Variants in CSMD3 observed in about 807,000 individuals in gnomAD.
The protein encoded by CSMD3 is CUB and Sushi multiple domains 3, also known as CUB and sushi domain-containing protein 3.
In CSMD3, 177 loss-of-function variants were observed where a neutral mutation model predicts 435.2. That is an observed-to-expected ratio of 0.41 (90% CI 0.36 to 0.46). The LOEUF (loss-of-function observed/expected upper bound fraction) is 0.46, where lower values mean the gene tolerates loss of function less well. CSMD3 is among the 20% of genes least tolerant of loss of function. The probability of loss-of-function intolerance (pLI) is 0.34; values close to 1 mark genes in which losing one functional copy is unlikely to be tolerated. For missense variants in CSMD3, 4,265 were observed against 4,504.6 expected, an observed-to-expected ratio of 0.95 and a Z score of 1.52; for synonymous variants, 1,656 against 1,520.5, an observed-to-expected ratio of 1.09 and a Z score of -2.07.
chr8:113,212,929 A>T (rs1009126451), intron 3 of CSMD3, among the ~76,000 whole-genome samples: 1 of 150,332 alleles, frequency 6.7e-6, no homozygotes, highest in African/African-American at 2.4e-5. Context: ...AAGAAAATCA[A>T]GTTAGATGTA....
chr8:112,752,993 A>T (rs962688116), intron 13 of CSMD3, among the ~76,000 whole-genome samples: 1 of 151,598 alleles, frequency 6.6e-6, no homozygotes, highest in Non-Finnish European at 1.5e-5. Context: ...TGGTGCAGTC[A>T]TGGCTCACTG....
chr8:112,679,599 T>A (rs553033715), intron 16 of CSMD3, among the ~76,000 whole-genome samples: 1 of 152,330 alleles, frequency 6.6e-6, no homozygotes, highest in East Asian at 1.9e-4. Context: ...AAATACCATT[T>A]GTTTTTCACA....
chr8:112,800,337 A>C (rs1053855070), intron 12 of CSMD3, 63 bp from the exon 13 acceptor site: 12 of 1,032,468 alleles, frequency 1.2e-5, no homozygotes, highest in African/African-American at 1.6e-5. Context: ...CATACAAATT[A>C]TAAGACAGAT....
intron 11 of CSMD3, among the ~76,000 whole-genome samples, chr8:112,856,989 A>G (rs541532222): frequency 1.4e-4 from 22 of 151,954 alleles, no homozygotes; most frequent in African/African-American, 5.3e-4. Flanking sequence ...TTAGTGGGAC[A>G]TAATCAATGT....
chr8:112,945,884 G>C (rs2083595133), intron 9 of CSMD3, among the ~76,000 whole-genome samples: 1 of 151,454 alleles, frequency 6.6e-6, no homozygotes, highest in Non-Finnish European at 1.5e-5. Context: ...CTGCCGGTGG[G>C]ACACATATAC....
chr8:113,187,944 T>C (rs1202392129), intron 3 of CSMD3, among the ~76,000 whole-genome samples: 1 of 151,982 alleles, frequency 6.6e-6, no homozygotes, highest in Admixed American at 6.6e-5. Context: ...CTTATCAATA[T>C]GTTTCATGTA....
At chr8:113,077,059 G>A (rs1219634260) in intron 5 of CSMD3, among the ~76,000 whole-genome samples, 1 of 152,042 alleles carries the variant, frequency 6.6e-6, no homozygotes, top group African/African-American at 2.4e-5. Context: ...TTTTGAGCAT[G>A]GTGGTGGTTA....
chr8:113,321,612 A>G (rs1468477143), intron 1 of CSMD3, among the ~76,000 whole-genome samples: 1 of 152,168 alleles, frequency 6.6e-6, no homozygotes, highest in Non-Finnish European at 1.5e-5. Context: ...CCTTTATGCC[A>G]TTGTGGTTTG....
At chr8:113,028,802 A>G (rs1045580998) in intron 5 of CSMD3, among the ~76,000 whole-genome samples, 11 of 151,606 alleles carry the variant, frequency 7.3e-5, no homozygotes, top group African/African-American at 2.7e-4. Context: ...CATGAAGCTT[A>G]AGAAAAGAAG....
intron 31 of CSMD3, among the ~76,000 whole-genome samples, chr8:112,481,805 T>G (rs1321078476): frequency 6.6e-6 from 1 of 152,190 alleles, no homozygotes; most frequent in African/African-American, 2.4e-5. Flanking sequence ...AAATTAAAAT[T>G]ACTACTGTTT....
intron 5 of CSMD3, among the ~76,000 whole-genome samples, chr8:113,033,981 T>C (rs2087234660): frequency 6.6e-6 from 1 of 151,502 alleles, no homozygotes; most frequent in Non-Finnish European, 1.5e-5. Context: ...CTCTATCTCC[T>C]GCCACCATGT....
intron 4 of CSMD3, among the ~76,000 whole-genome samples, chr8:113,133,475 C>A (rs986478530): frequency 6.6e-6 from 1 of 151,986 alleles, no homozygotes; most frequent in Non-Finnish European, 1.5e-5. Flanking sequence ...CTGTGCCAGT[C>A]GGTGAGATTG....
intron 32 of CSMD3, among the ~76,000 whole-genome samples, chr8:112,448,929 T>C (rs1815950630): frequency 6.6e-6 from 1 of 152,150 alleles, no homozygotes; most frequent in African/African-American, 2.4e-5. Context: ...TGTTCTTTGA[T>C]AGGAACTGAA....
chr8:113,083,141 A>G (rs2089631730), intron 5 of CSMD3, among the ~76,000 whole-genome samples: 2 of 152,076 alleles, frequency 1.3e-5, no homozygotes, highest in Non-Finnish European at 2.9e-5. Context: ...TTTGAATACA[A>G]TGTGCCTTGA....
In CSMD3 at chr8:112,291,677, G is replaced by C. The variant is rs1247399565; in HGVS notation, c.8807C>G (p.Pro2936Arg). Residue 2936 changes from proline (P) to arginine (R), a missense_variant, in exon 56 of 71, where the codon CCT (proline) becomes CGT (arginine). Pro to Arg is a moderately radical substitution (Grantham distance 103). Around this residue, in one of 3 missense-constraint regions of CSMD3, gnomAD observed 3,255 missense variants for 3,380.2 expected, o/e 0.96. Coordinates refer to ENST00000297405, the MANE Select transcript of CSMD3 (RefSeq NM_198123.2). ...TCTTTTAGAATTGGCTGGAATTCCA[G>C]GATCAGAACAGTTGACCACTAAACA... ...PMCKVVNCSD[P>R]GIPANSKRES... is the part of the protein sequence containing the mutation. 6.2e-7 allele frequency: 1 copy of C among 1,611,980 alleles called. No homozygotes were observed. The highest frequency in any genetic ancestry group is 1.3e-5 in the African/African-American group (1 of 74,920).
intron 31 of CSMD3, among the ~76,000 whole-genome samples, chr8:112,475,709 G>A (rs62516483): frequency 6.6e-6 from 1 of 152,008 alleles, no homozygotes; most frequent in Non-Finnish European, 1.5e-5. Flanking sequence ...AATAAGTCAG[G>A]CCAACTTCAC....
rs997518011 is a variant in CSMD3, at chr8:112,392,596, G to GA, written c.5810-1809dup. Among the ~76,000 whole-genome samples, 154 of 146,492 alleles carry GA rather than the reference G, an allele frequency of 1.1e-3. 1 individual carries two copies. The highest frequency in any genetic ancestry group is 3.5e-3 in the African/African-American group (141 of 40,202). On this transcript the variant is annotated intron_variant, in intron 35 of 70. Coordinates refer to ENST00000297405, the MANE Select transcript of CSMD3 (RefSeq NM_198123.2). ...TTGATGAAGTGTTGATCCTGCTGAT[G>GA]AAAAAAAAATACTTTATAGATGCTC...
chr8:112,634,933 T>G (rs1360506893), intron 22 of CSMD3, among the ~76,000 whole-genome samples: 2 of 151,966 alleles, frequency 1.3e-5, no homozygotes, highest in Admixed American at 6.6e-5. Flanking sequence ...ACAAACTTGA[T>G]GATCTTGGGC....
chr8:113,373,167 T>G (rs1423846703), intron 1 of CSMD3, among the ~76,000 whole-genome samples: 1 of 152,038 alleles, frequency 6.6e-6, no homozygotes, highest in African/African-American at 2.4e-5. Flanking sequence ...AGGAAAAAAT[T>G]TTGGCTAAAA....
Sources: allele counts gnomAD v4.1 joint callset (sites outside exome capture counted in the v4.1 genomes callset), GRCh38; gene constraint gnomAD v4.1.1; regional missense constraint gnomAD v4.1.1; transcripts MANE v1.5; gene names NCBI Gene and HGNC (gene_info 2026-07-23, HGNC 2026-07-21).